The following SPAG16 variants were observed in gnomAD, a reference collection of about 807,000 sequenced individuals.
SPAG16 encodes sperm-associated antigen 16 protein.
SPAG16 carries 86 observed loss-of-function variants against 80.4 expected under a neutral mutation model. The observed-to-expected ratio is 1.07, with a 90% CI of 0.90 to 1.28. The LOEUF is 1.28. Ranked by LOEUF, SPAG16 falls within the 50% of genes most tolerant of loss-of-function variation. SPAG16 has a pLI of 0.00. For synonymous variants in SPAG16, 294 were observed against 265.9 expected (o/e 1.11, Z -1.03); for missense variants, 870 against 765.3 (o/e 1.14, Z -1.61).
At chr2:213,839,043 T>C (rs2074239821) in intron 10 of SPAG16, among the ~76,000 whole-genome samples, 1 of 152,148 alleles carries the variant, frequency 6.6e-6, no homozygotes, top group Non-Finnish European at 1.5e-5. Flanking sequence ...AGGTTTGTCA[T>C]AGAAAAAAAT....
intron 12 of SPAG16, among the ~76,000 whole-genome samples, chr2:213,960,712 C>G (rs563654904): frequency 5.3e-5 from 8 of 152,114 alleles, no homozygotes; most frequent in South Asian, 4.1e-4. Flanking sequence ...TACGCAGTTG[C>G]TTTTGAATGT....
At chr2:214,166,556 C>A (rs1311740161) in intron 15 of SPAG16, among the ~76,000 whole-genome samples, 2 of 152,178 alleles carry the variant, frequency 1.3e-5, no homozygotes, top group East Asian at 3.9e-4. Flanking sequence ...TCAGTAACAA[C>A]TCTTCACTGC....
intron 9 of SPAG16, among the ~76,000 whole-genome samples, chr2:213,416,724 T>C (rs2069277633): frequency 6.6e-6 from 1 of 152,096 alleles, no homozygotes; most frequent in Non-Finnish European, 1.5e-5. Flanking sequence ...TTATATGAGA[T>C]GGTCAGTTGG....
At chr2:213,580,237 C>T (rs1362455469) in intron 10 of SPAG16, among the ~76,000 whole-genome samples, 1 of 152,074 alleles carries the variant, frequency 6.6e-6, no homozygotes, top group Non-Finnish European at 1.5e-5. Context: ...AGTTTATTAC[C>T]ATTAGATCAT....
At chr2:213,319,398 T>C (rs891408373) in intron 5 of SPAG16, among the ~76,000 whole-genome samples, 1 of 151,940 alleles carries the variant, frequency 6.6e-6, no homozygotes, top group African/African-American at 2.4e-5. Flanking sequence ...TTTTGCAAGG[T>C]ATATAAATTT....
chr2:213,808,087 A>C (rs2071885104), intron 10 of SPAG16, among the ~76,000 whole-genome samples: 2 of 152,288 alleles, frequency 1.3e-5, no homozygotes, highest in African/African-American at 4.8e-5. Context: ...TTATGGATTA[A>C]ATTACTGAAG....
At chr2:213,362,172 C>G (rs965936329) in intron 7 of SPAG16, among the ~76,000 whole-genome samples, 2 of 152,098 alleles carry the variant, frequency 1.3e-5, no homozygotes, top group Non-Finnish European at 1.5e-5. Context: ...AGGAATCCAA[C>G]CTGAAAGAGC....
chr2:213,986,385 C>A (rs1164204599), intron 12 of SPAG16, among the ~76,000 whole-genome samples: 3 of 151,824 alleles, frequency 2.0e-5, no homozygotes, highest in African/African-American at 7.3e-5. Context: ...CTATTCAATT[C>A]TCTCTTATAT....
At chr2:214,117,107 A>C (rs557479548) in intron 14 of SPAG16, among the ~76,000 whole-genome samples, 2 of 152,328 alleles carry the variant, frequency 1.3e-5, no homozygotes, top group East Asian at 3.9e-4. Context: ...CTCAAACTTC[A>C]AAAAATATAG....
intron 12 of SPAG16, among the ~76,000 whole-genome samples, chr2:213,980,170 C>A (rs1470751442): frequency 2.0e-5 from 3 of 148,264 alleles, no homozygotes; most frequent in Non-Finnish European, 3.0e-5. Context: ...CATGGTGAAA[C>A]CCCGTCTCTA....
intron 13 of SPAG16, among the ~76,000 whole-genome samples, chr2:214,022,443 A>G (rs1239946604): frequency 6.6e-6 from 1 of 152,180 alleles, no homozygotes. Context: ...TAAAATGTGC[A>G]TAGTAGTACT....
At chr2:214,205,186 T>C (rs1042241870) in intron 15 of SPAG16, among the ~76,000 whole-genome samples, 1 of 151,720 alleles carries the variant, frequency 6.6e-6, no homozygotes, top group African/African-American at 2.4e-5. Context: ...ATCACGCCAC[T>C]GCACTCCAGC....
At chr2:213,677,029 G>A (rs145026301) in intron 10 of SPAG16, among the ~76,000 whole-genome samples, 1,959 of 151,872 alleles carry the variant, frequency 0.013, 18 homozygotes, top group South Asian at 0.036. Context: ...CTTTTTGGTT[G>A]GTAAGCTGTT....
At chr2:214,236,100 C>T (rs982462850) in intron 15 of SPAG16, among the ~76,000 whole-genome samples, 1 of 152,086 alleles carries the variant, frequency 6.6e-6, no homozygotes, top group African/African-American at 2.4e-5. Context: ...TAGGGCCTAC[C>T]CATCTGCCAG....
At chr2:213,748,972 C>T (rs1359929171) in intron 10 of SPAG16, among the ~76,000 whole-genome samples, 1 of 152,068 alleles carries the variant, frequency 6.6e-6, no homozygotes, top group Non-Finnish European at 1.5e-5. Flanking sequence ...CAAGGTGAAA[C>T]CCTGTCTCTA....
intron 11 of SPAG16, among the ~76,000 whole-genome samples, chr2:213,925,324 A>G (rs2078417682): frequency 6.6e-6 from 1 of 151,040 alleles, no homozygotes; most frequent in African/African-American, 2.4e-5. Context: ...TTTAGTTGGA[A>G]CATTAATACT....
intron 11 of SPAG16, among the ~76,000 whole-genome samples, chr2:213,882,676 ATTTGTATCTTCTC>A (rs1402046043): frequency 1.3e-5 from 2 of 151,980 alleles, no homozygotes; most frequent in Non-Finnish European, 2.9e-5. Context: ...GATTGTACTG[ATTTGTATCTTCTC>A]TTTTTTTGTT....
intron 12 of SPAG16, among the ~76,000 whole-genome samples, chr2:213,979,890 G>C (rs1029068169): frequency 4.6e-5 from 7 of 151,978 alleles, no homozygotes; most frequent in Middle Eastern, 3.4e-3. Flanking sequence ...GTCTATCTTT[G>C]CCAGTTTTTC....
chr2:213,886,423 A>G (rs192188392), intron 11 of SPAG16, among the ~76,000 whole-genome samples: 1 of 152,198 alleles, frequency 6.6e-6, no homozygotes, highest in Non-Finnish European at 1.5e-5. Context: ...GGAATAGGTC[A>G]GAGAGGACTA....
Sources: gnomAD v4.1 joint callset for allele counts (sites outside exome capture counted in the v4.1 genomes callset) on GRCh38, gnomAD v4.1.1 for gene constraint, MANE v1.5 for transcripts, NCBI Gene and HGNC (gene_info 2026-07-23, HGNC 2026-07-21) for gene names.